IPP: variants seen among roughly 807,000 people sequenced by gnomAD.
The protein encoded by IPP is actin-binding protein IPP.
IPP carries 41 observed loss-of-function variants against 64.1 expected under a neutral mutation model. The observed-to-expected ratio is 0.64, with a 90% confidence interval of 0.50 to 0.83. IPP has a LOEUF of 0.83. IPP is among the 40% of genes least tolerant of loss of function. The pLI, the probability that IPP is intolerant of heterozygous loss-of-function variation, is 0.00. For synonymous variants in IPP, 214 were observed against 235.2 expected (o/e 0.91, Z 0.83); for missense variants, 649 against 703.0 (o/e 0.92, Z 0.87).
chr1:45,701,671 C>G (rs1330419692), intron 8 of IPP, among the ~76,000 whole-genome samples: 1 of 152,166 alleles, frequency 6.6e-6, no homozygotes. Flanking sequence ...ATTAGGAGAG[C>G]AAAGAGCAAG....
At chr1:45,711,445 A>G (rs1645589523) in intron 8 of IPP, among the ~76,000 whole-genome samples, 1 of 152,022 alleles carries the variant, frequency 6.6e-6, no homozygotes, top group Admixed American at 6.6e-5. Context: ...ATATACCATG[A>G]AAACACTAAT....
chr1:45,727,868 A>G (rs1645852642), intron 4 of IPP, 70 bp from the exon 5 acceptor site: 2 of 1,085,160 alleles, frequency 1.8e-6, no homozygotes, highest in South Asian at 2.7e-5. Context: ...TATAACTACT[A>G]TATAACAAGA....
intron 8 of IPP, among the ~76,000 whole-genome samples, chr1:45,702,082 A>T (rs1249121529): frequency 6.6e-6 from 1 of 152,226 alleles, no homozygotes; most frequent in Non-Finnish European, 1.5e-5. Context: ...GTTAAGATAA[A>T]TTAGGATAAT....
chr1:45,719,069 A>G (rs1645697492), intron 6 of IPP, 134 bp downstream of exon 6: 1 of 738,850 alleles, frequency 1.4e-6, no homozygotes, highest in Non-Finnish European at 2.2e-6. Flanking sequence ...ATTTTACAAG[A>G]TGTGATTATT....
chr1:45,694,436 C>T (rs778417233), downstream of IPP: 1 of 1,513,486 alleles, frequency 6.6e-7, no homozygotes, highest in South Asian at 1.2e-5. Context: ...TAAAAATCCC[C>T]TTTGTTAGAG....
At chr1:45,724,694 G>GT (rs1645785510) in intron 5 of IPP, among the ~76,000 whole-genome samples, 1 of 150,872 alleles carries the variant, frequency 6.6e-6, no homozygotes, top group Admixed American at 6.6e-5. Flanking sequence ...GGTGAGGAGC[G>GT]TCTCTGCCCG....
chr1:45,694,442 TAG>T (rs759817453), downstream of IPP: 6 of 1,526,242 alleles, frequency 3.9e-6, no homozygotes, highest in African/African-American at 5.5e-5. Context: ...TCCCCTTTGT[TAG>T]AGTCTTGTGA....
chr1:45,699,304 C>A lies in IPP; in HGVS notation c.*662G>T. 1.0e-6 allele frequency: 1 copy of A among 985,376 alleles called. No homozygotes were observed. Among genetic ancestry groups the A allele is most frequent in the Non-Finnish European group, 1.2e-6 (1 of 829,902 alleles). 61.0% of individuals were successfully genotyped at this position (985,376 alleles called of 1,614,324 possible). A position where few individuals can be genotyped will look rare whatever the true frequency, so the allele number is the denominator to read the frequency against. ...ATTAAATAAAAGTAGGAATCTATTT[C>A]ATTGGCTTTCTCTGTGGCTCAAACT... On this transcript the variant is annotated 3_prime_UTR_variant, in exon 9 of 9. Coordinates refer to ENST00000396478, the MANE Select transcript of IPP (RefSeq NM_005897.3).
intron 3 of IPP, among the ~76,000 whole-genome samples, chr1:45,732,632 A>C (rs1388153817): frequency 2.6e-5 from 4 of 151,794 alleles, no homozygotes; most frequent in Non-Finnish European, 5.9e-5. Flanking sequence ...AAAAGGAAGA[A>C]GACTACCAAA....
rs767897630 is a variant in IPP at position 45,714,467 on chromosome 1, C to G, written c.1310-1G>C. Reference sequence around the variant, plus strand: ...ATGCCCCCAATTACATAAATTAAACCTGGAAGTGGAATATTTTTGCTCAGA... The same window carrying G: ...ATGCCCCCAATTACATAAATTAAACGTGGAAGTGGAATATTTTTGCTCAGA... On this transcript the variant is annotated splice_acceptor_variant, in intron 7 of 8. Transcript: ENST00000396478. LOFTEE classifies it high-confidence loss of function. The G allele has an allele frequency of 1.3e-6, 2 of 1,588,952 alleles. No homozygotes were observed. Among genetic ancestry groups the G allele is most frequent in the East Asian group, 2.2e-5 (1 of 44,778 alleles).
At chr1:45,720,292 T>C (rs1190518914) in intron 5 of IPP, among the ~76,000 whole-genome samples, 1 of 152,190 alleles carries the variant, frequency 6.6e-6, no homozygotes. Flanking sequence ...CCAAAGATTA[T>C]GCAATGCCCC....
chr1:45,728,413 C>G (rs573032720), intron 4 of IPP, among the ~76,000 whole-genome samples: 3 of 151,888 alleles, frequency 2.0e-5, no homozygotes, highest in Non-Finnish European at 4.4e-5. Flanking sequence ...TACATAAAAA[C>G]AGTATTATGT....
chr1:45,740,475 A>G (rs1425610414), intron 3 of IPP, among the ~76,000 whole-genome samples: 1 of 150,822 alleles, frequency 6.6e-6, no homozygotes, highest in African/African-American at 2.4e-5. Flanking sequence ...CTCCCTCCCG[A>G]ACGGGGCGGC....
chr1:45,745,418 T>G (rs976338642), intron 2 of IPP, among the ~76,000 whole-genome samples: 3 of 152,150 alleles, frequency 2.0e-5, no homozygotes, highest in African/African-American at 7.2e-5. Flanking sequence ...TTTTTAAAAT[T>G]TTATATATTG....
chr1:45,721,420 C>T (rs1645729648), intron 5 of IPP, among the ~76,000 whole-genome samples: 1 of 152,218 alleles, frequency 6.6e-6, no homozygotes, highest in African/African-American at 2.4e-5. Context: ...CACTATGTCT[C>T]TAATGAGCTT....
chr1:45,736,467 C>T (rs1402569303), intron 3 of IPP, among the ~76,000 whole-genome samples: 1 of 151,892 alleles, frequency 6.6e-6, no homozygotes, highest in Non-Finnish European at 1.5e-5. Flanking sequence ...TATAACTTAA[C>T]CATTTAAGAT....
Position 45,741,136 on chromosome 1 carries a change from AT to A in IPP, c.488del (p.His163LeufsTer21). ...DLLEFSENYI[H>X]VHFLEVHSGE... The stretch of plus-strand genomic sequence containing the variant: ...CACTATGAACCTCCAAGAAATGGAC[AT>A]GAATGTAGTTTTCTGAGAATTCCAA... On this transcript the variant is annotated frameshift_variant, in exon 3 of 9. Transcript: ENST00000396478. LOFTEE classifies it high-confidence loss of function. The A allele has an allele frequency of 6.2e-7, 1 of 1,614,178 alleles. No homozygotes were observed. Among genetic ancestry groups the A allele is most frequent in the Non-Finnish European group, 8.5e-7 (1 of 1,180,000 alleles).
At chr1:45,745,158 C>T (rs951002525) in intron 2 of IPP, among the ~76,000 whole-genome samples, 2 of 152,110 alleles carry the variant, frequency 1.3e-5, no homozygotes, top group Non-Finnish European at 2.9e-5. Context: ...ATTGGCCTCC[C>T]GAAGTGCTGG....
chr1:45,738,853 A>C (rs1302471662), intron 3 of IPP, among the ~76,000 whole-genome samples: 33 of 148,952 alleles, frequency 2.2e-4, no homozygotes, highest in Non-Finnish European at 2.4e-4. Flanking sequence ...AAAAAAAAAA[A>C]AAAAAAAAAA....
Sources: allele counts gnomAD v4.1 joint callset (sites outside exome capture counted in the v4.1 genomes callset), GRCh38; gene constraint gnomAD v4.1.1; transcripts MANE v1.5; gene names NCBI Gene and HGNC (gene_info 2026-07-23, HGNC 2026-07-21).